Variants in RPS6KC1 observed in about 807,000 individuals in gnomAD.
RPS6KC1 encodes ribosomal protein S6 kinase C1.
RPS6KC1 carries 54 observed loss-of-function variants against 103.8 expected under a neutral mutation model. That is an observed-to-expected ratio of 0.52 (90% CI 0.42 to 0.65). The LOEUF (loss-of-function observed/expected upper bound fraction) is 0.65, where lower values mean the gene tolerates loss of function less well. Among genes scored for constraint, RPS6KC1 ranks in the 30% least tolerant of loss-of-function variants. RPS6KC1 has a pLI of 0.00. For synonymous variants in RPS6KC1, 439 were observed against 438.7 expected, an observed-to-expected ratio of 1.00 and a Z score of -0.01; for missense variants, 1,151 against 1,253.8, an observed-to-expected ratio of 0.92 and a Z score of 1.24.
chr1:213,201,977 A>C (rs983198401), intron 8 of RPS6KC1, among the ~76,000 whole-genome samples: 1 of 152,158 alleles, frequency 6.6e-6, no homozygotes, highest in African/African-American at 2.4e-5. Context: ...GCTTGGGGTC[A>C]AAGTCTTAGG....
the RPS6KC1 span, among the ~76,000 whole-genome samples, chr1:213,559,325 T>C: frequency 1.3e-5 from 2 of 152,196 alleles, no homozygotes; most frequent in African/African-American, 2.4e-5. Context: ...TTTGGAACCA[T>C]GAAAATTAAC....
chr1:213,344,794 CA>C, the RPS6KC1 span, among the ~76,000 whole-genome samples: 1 of 152,206 alleles, frequency 6.6e-6, no homozygotes, highest in African/African-American at 2.4e-5. Context: ...CTCAGCCTCC[CA>C]AAATGCTGGG....
the RPS6KC1 span, among the ~76,000 whole-genome samples, chr1:213,424,766 TA>T: frequency 1.3e-5 from 2 of 152,272 alleles, no homozygotes; most frequent in Non-Finnish European, 2.9e-5. Flanking sequence ...AGTCCTTTTG[TA>T]GGCCCAAACT....
the RPS6KC1 span, among the ~76,000 whole-genome samples, chr1:213,734,523 G>A: frequency 2.0e-5 from 3 of 152,216 alleles, no homozygotes; most frequent in African/African-American, 7.2e-5. Context: ...GAGTGTGTGA[G>A]TGCATGTGTG....
the RPS6KC1 span, among the ~76,000 whole-genome samples, chr1:213,455,774 G>A: frequency 6.6e-6 from 1 of 152,094 alleles, no homozygotes; most frequent in African/African-American, 2.4e-5. Flanking sequence ...ACAGTAAGAA[G>A]CAATTCTGAA....
chr1:213,211,351 C>T (rs777029228), intron 8 of RPS6KC1, among the ~76,000 whole-genome samples: 4 of 152,194 alleles, frequency 2.6e-5, no homozygotes, highest in Non-Finnish European at 5.9e-5. Context: ...TTCACAAAAA[C>T]AGAAAACAGA....
chr1:213,797,603 C>G, the RPS6KC1 span, among the ~76,000 whole-genome samples: 2 of 152,212 alleles, frequency 1.3e-5, no homozygotes, highest in Non-Finnish European at 2.9e-5. Context: ...TTTGGTACAA[C>G]TTTCCAGTGC....
At chr1:213,827,322 G>C in the RPS6KC1 span, among the ~76,000 whole-genome samples, 32 of 152,308 alleles carry the variant, frequency 2.1e-4, no homozygotes, top group African/African-American at 7.7e-4. Context: ...TCTCTGGGCA[G>C]AGCTGGGCTT....
chr1:213,840,682 A>G, the RPS6KC1 span: 2 of 152,094 alleles, frequency 1.3e-5, no homozygotes, highest in Non-Finnish European at 2.9e-5. Flanking sequence ...AGGTCTTACC[A>G]TGGCCAAATT....
chr1:213,327,507 C>T, the RPS6KC1 span, among the ~76,000 whole-genome samples: 12 of 152,122 alleles, frequency 7.9e-5, no homozygotes, highest in Non-Finnish European at 1.0e-4. Context: ...GCCTGACTTG[C>T]GGGTGGTCTT....
At chr1:213,656,090 C>T in the RPS6KC1 span, among the ~76,000 whole-genome samples, 1 of 152,148 alleles carries the variant, frequency 6.6e-6, no homozygotes, top group Non-Finnish European at 1.5e-5. Flanking sequence ...ATTAATTAAT[C>T]CTCCCAGAAA....
the RPS6KC1 span, among the ~76,000 whole-genome samples, chr1:213,544,822 CCT>C: frequency 1.3e-5 from 2 of 152,172 alleles, no homozygotes; most frequent in South Asian, 4.1e-4. Context: ...CCTTTGGCCT[CCT>C]CTCTCATTCC....
intron 8 of RPS6KC1, among the ~76,000 whole-genome samples, chr1:213,183,840 T>G (rs546197590): frequency 7.2e-5 from 11 of 152,228 alleles, no homozygotes; most frequent in Non-Finnish European, 1.6e-4. Flanking sequence ...TGCGTAAAGC[T>G]GGTTCTTTTC....
At chr1:213,637,857 G>C in the RPS6KC1 span, among the ~76,000 whole-genome samples, 1 of 151,724 alleles carries the variant, frequency 6.6e-6, no homozygotes, top group African/African-American at 2.4e-5. Context: ...TGTCTCACTC[G>C]TTTGCCTAGG....
chr1:213,152,688 C>T (rs1303199024), intron 6 of RPS6KC1, among the ~76,000 whole-genome samples: 11 of 151,690 alleles, frequency 7.3e-5, no homozygotes, highest in African/African-American at 9.7e-5. Flanking sequence ...TGATGGCGGC[C>T]GGGCAGAGGT....
At chr1:213,353,981 C>T in the RPS6KC1 span, among the ~76,000 whole-genome samples, 1 of 152,194 alleles carries the variant, frequency 6.6e-6, no homozygotes, top group Admixed American at 6.5e-5. Context: ...CTCAGAGTCC[C>T]TCACAGTCAG....
At chr1:213,144,769 G>T (rs988682151) in intron 6 of RPS6KC1, among the ~76,000 whole-genome samples, 2 of 151,870 alleles carry the variant, frequency 1.3e-5, no homozygotes, top group African/African-American at 4.8e-5. Flanking sequence ...GAATTTTCTA[G>T]TAGTCACATT....
At chr1:213,106,844 T>C (rs931876984) in intron 4 of RPS6KC1, among the ~76,000 whole-genome samples, 2 of 152,252 alleles carry the variant, frequency 1.3e-5, no homozygotes, top group African/African-American at 4.8e-5. Flanking sequence ...TATTTATTAG[T>C]ATTAGTACAG....
intron 5 of RPS6KC1, among the ~76,000 whole-genome samples, chr1:213,124,701 G>A (rs568567618): frequency 3.3e-5 from 5 of 151,964 alleles, no homozygotes; most frequent in Non-Finnish European, 7.4e-5. Context: ...TATCTTCCTC[G>A]AGCTGGCCGG....
Sources: gnomAD v4.1 joint callset for allele counts (sites outside exome capture counted in the v4.1 genomes callset) on GRCh38, gnomAD v4.1.1 for gene constraint, MANE v1.5 for transcripts, NCBI Gene and HGNC (gene_info 2026-07-23, HGNC 2026-07-21) for gene names.